FAM210A: variants seen among roughly 807,000 people sequenced by gnomAD.
FAM210A encodes the protein family with sequence similarity 210 member A.
Under a neutral mutation model 25.3 loss-of-function variants are expected in FAM210A, and 13 were observed. That is an observed-to-expected ratio of 0.51 (90% CI 0.33 to 0.82). FAM210A has a LOEUF of 0.82. Ranked by LOEUF, FAM210A falls within the 40% of genes least tolerant of loss-of-function variation. FAM210A has a pLI of 0.02. For missense variants in FAM210A, 319 were observed against 323.2 expected, an observed-to-expected ratio of 0.99 and a Z score of 0.10; for synonymous variants, 125 against 118.7, an observed-to-expected ratio of 1.05 and a Z score of -0.35.
At chr18:13,682,141 C>T (rs1322065885) in intron 1 of FAM210A, 36 bp from the exon 2 acceptor site, 6 of 1,337,836 alleles carry the variant, frequency 4.5e-6, no homozygotes, top group African/African-American at 4.4e-5. Context: ...TTAGGTAATA[C>T]TTAGGTTTCC....
rs912378039 is a variant in FAM210A at position 13,686,135 on chromosome 18, C to T, written c.-28-4030G>A. 2.0e-5 allele frequency among the ~76,000 whole-genome samples: 3 copies of T among 152,148 alleles called. No individual in the cohort carries two copies. In the South Asian group the frequency reaches 6.2e-4, roughly 32 times the overall value. ...TAAAAGAGGAGTCATAACAACTGAT[C>T]CCACGGATATTAAAAAAGCAATAAA... On this transcript the variant is annotated intron_variant, in intron 1 of 3. Transcript: ENST00000651643.
rs114611998 is a variant in FAM210A, at chr18:13,723,438, G to T, written c.-29+2891C>A. 7.9e-3 allele frequency among the ~76,000 whole-genome samples: 1,199 copies of T among 152,270 alleles called. 20 individuals carry two copies. Among genetic ancestry groups the T allele is most frequent in the African/African-American group, 0.028 (1,156 of 41,540 alleles). On this transcript the variant is annotated intron_variant, in intron 1 of 3. Transcript: ENST00000651643. ...GATACAGAGATATTGGTATTTTAAG[G>T]AACTGGCTCACACAACTGTAGGGGA...
intron 1 of FAM210A, among the ~76,000 whole-genome samples, chr18:13,695,600 A>C (rs1349638232): frequency 6.6e-6 from 1 of 152,104 alleles, no homozygotes; most frequent in Non-Finnish European, 1.5e-5. Flanking sequence ...CATTCTGAGT[A>C]AACTATTGCA....
intron 1 of FAM210A, among the ~76,000 whole-genome samples, chr18:13,687,052 T>G (rs1023511440): frequency 6.6e-6 from 1 of 152,228 alleles, no homozygotes; most frequent in African/African-American, 2.4e-5. Context: ...GTCTAAAAAC[T>G]ATCATACACC....
Position 13,666,439 on chromosome 18 carries a change from G to GT in FAM210A, c.*40dup. On this transcript the variant is annotated 3_prime_UTR_variant, in exon 4 of 4. Coordinates refer to ENST00000651643, the MANE Select transcript of FAM210A (RefSeq NM_152352.4). ...TATCTTTGCCCATAGTTTCCAAAGGGTTAAAGTGCAGGAATTTTCTATACT... is the reference window on the plus strand; with the variant it reads ...TATCTTTGCCCATAGTTTCCAAAGGGTTTAAAGTGCAGGAATTTTCTATACT... 6.6e-7 allele frequency: 1 copy of GT among 1,524,478 alleles called. No individual in the cohort carries two copies. The highest frequency in any genetic ancestry group is 1.2e-5 in the South Asian group (1 of 86,272). 94.4% of individuals were successfully genotyped at this position (1,524,478 alleles called of 1,614,324 possible). A position where few individuals can be genotyped will look rare whatever the true frequency, so the allele number is the denominator to read the frequency against.
At chr18:13,698,836 C>T (rs2043716773) in intron 1 of FAM210A, among the ~76,000 whole-genome samples, 1 of 152,202 alleles carries the variant, frequency 6.6e-6, no homozygotes, top group East Asian at 1.9e-4. Context: ...CCCCCGATAC[C>T]TATAAGTACT....
intron 1 of FAM210A, among the ~76,000 whole-genome samples, chr18:13,708,698 G>A (rs2043799410): frequency 6.6e-6 from 1 of 152,092 alleles, no homozygotes; most frequent in Non-Finnish European, 1.5e-5. Flanking sequence ...CATGCCCTTG[G>A]CCTTGAAATC....
chr18:13,683,602 G>A (rs1315042785), intron 1 of FAM210A, among the ~76,000 whole-genome samples: 2 of 145,174 alleles, frequency 1.4e-5, no homozygotes, highest in African/African-American at 5.2e-5. Flanking sequence ...GAGACTTCCA[G>A]ATAATTACTT....
At chr18:13,706,884 T>C (rs901308702) in intron 1 of FAM210A, among the ~76,000 whole-genome samples, 3 of 152,246 alleles carry the variant, frequency 2.0e-5, no homozygotes, top group Non-Finnish European at 2.9e-5. Context: ...GTTAAGCCAG[T>C]AGACTCTTCA....
At chr18:13,723,191 A>G (rs906633942) in intron 1 of FAM210A, among the ~76,000 whole-genome samples, 2 of 152,144 alleles carry the variant, frequency 1.3e-5, no homozygotes, top group African/African-American at 4.8e-5. Context: ...CCTCTTTTCT[A>G]CAGGGAATAC....
At chr18:13,720,371 A>T (rs576228090) in intron 1 of FAM210A, among the ~76,000 whole-genome samples, 1 of 152,284 alleles carries the variant, frequency 6.6e-6, no homozygotes, top group Non-Finnish European at 1.5e-5. Flanking sequence ...AACTAGCAGT[A>T]TTTTAGGTCA....
intron 1 of FAM210A, among the ~76,000 whole-genome samples, chr18:13,716,709 G>T (rs2043864643): frequency 6.6e-6 from 1 of 152,106 alleles, no homozygotes; most frequent in Non-Finnish European, 1.5e-5. Flanking sequence ...AGATCTGATG[G>T]TTTTAAAAAT....
intron 2 of FAM210A, among the ~76,000 whole-genome samples, chr18:13,680,576 T>C (rs999559127): frequency 3.3e-5 from 5 of 152,352 alleles, no homozygotes; most frequent in Admixed American, 6.5e-5. Flanking sequence ...GAGCTACTTA[T>C]AGCTTAGTCT....
chr18:13,678,446 T>C (rs1313424125), intron 2 of FAM210A, among the ~76,000 whole-genome samples: 1 of 152,036 alleles, frequency 6.6e-6, no homozygotes, highest in East Asian at 1.9e-4. Flanking sequence ...TGCACCACCA[T>C]GCCTGGCTAA....
At chr18:13,668,027 C>T (rs1289860018) in intron 3 of FAM210A, among the ~76,000 whole-genome samples, 1 of 152,214 alleles carries the variant, frequency 6.6e-6, no homozygotes, top group Non-Finnish European at 1.5e-5. Context: ...TGCACGACTG[C>T]ACTCCAGCCT....
intron 1 of FAM210A, among the ~76,000 whole-genome samples, chr18:13,723,552 T>C (rs2149073012): frequency 6.6e-6 from 1 of 152,340 alleles, no homozygotes; most frequent in African/African-American, 2.4e-5. Context: ...TACTGTCTTC[T>C]TCAGGACACT....
intron 1 of FAM210A, among the ~76,000 whole-genome samples, chr18:13,704,676 G>A (rs1169287679): frequency 1.3e-5 from 2 of 152,160 alleles, no homozygotes; most frequent in Non-Finnish European, 2.9e-5. Flanking sequence ...TAAGTTACAT[G>A]TGAAGAATTG....
intron 1 of FAM210A, among the ~76,000 whole-genome samples, chr18:13,687,573 A>G (rs1402372622): frequency 1.3e-5 from 2 of 152,176 alleles, no homozygotes; most frequent in East Asian, 3.9e-4. Context: ...CCTCAGATGG[A>G]CGTGCATACA....
chr18:13,671,826 A>T, intron 3 of FAM210A, 36 bp downstream of exon 3: 1 of 1,346,046 alleles, frequency 7.4e-7, no homozygotes, highest in Non-Finnish European at 1.1e-6. Flanking sequence ...ACCACCAGTG[A>T]GTTCTGAGGA....
Sources: allele counts gnomAD v4.1 joint callset (sites outside exome capture counted in the v4.1 genomes callset), GRCh38; gene constraint gnomAD v4.1.1; transcripts MANE v1.5; gene names NCBI Gene and HGNC (gene_info 2026-07-23, HGNC 2026-07-21).